CUX1: variants seen among roughly 807,000 people sequenced by gnomAD.
The protein encoded by CUX1 is protein CASP.
CUX1 carries 31 observed loss-of-function variants against 158.8 expected under a neutral mutation model. The ratio of observed to expected loss-of-function variants is 0.20; its 90% confidence interval spans 0.15 to 0.26. The LOEUF is 0.26. CUX1 is among the 10% of genes least tolerant of loss of function. The pLI is 1.00. For synonymous variants in CUX1, 879 were observed against 862.1 expected, an observed-to-expected ratio of 1.02 and a Z score of -0.34; for missense variants, 1,589 against 2,014.6, an observed-to-expected ratio of 0.79 and a Z score of 4.04.
In CUX1 at chr7:102,248,164, AT is replaced by A. The variant is rs1393447451; in HGVS notation, c.3888-245del. Among the ~76,000 whole-genome samples, 3 of 152,064 alleles carry A rather than the reference AT, an allele frequency of 2.0e-5. No individual in the cohort carries two copies. The highest frequency in any genetic ancestry group is 4.4e-5 in the Non-Finnish European group (3 of 68,004). ...AAAATTAAAATAAGTGCCCGCGGCA[AT>A]TTGTTGCAGTGGAGAATAGGGGAGT... is the stretch of plus-strand genomic sequence containing the variant. On this transcript the variant is annotated intron_variant, in intron 23 of 23. Transcript: ENST00000292535. The surrounding 1 kb of genome is among the most constrained non-coding windows in gnomAD (Gnocchi z 5.8).
intron 9 of CUX1, among the ~76,000 whole-genome samples, chr7:102,168,325 G>A (rs935266306): frequency 1.1e-4 from 16 of 152,048 alleles, no homozygotes; most frequent in African/African-American, 3.4e-4. Context: ...CACCAGCACC[G>A]CCCTGGGCGG....
intron 14 of CUX1, among the ~76,000 whole-genome samples, chr7:102,264,057 G>C (rs1229948376): frequency 7.0e-6 from 1 of 142,184 alleles, no homozygotes; most frequent in Non-Finnish European, 1.5e-5. Context: ...CCAGGCTAGA[G>C]TGCAGTGGCG....
intron 6 of CUX1, among the ~76,000 whole-genome samples, chr7:102,104,849 G>A (rs936179462): frequency 6.6e-6 from 1 of 152,116 alleles, no homozygotes; most frequent in Admixed American, 6.6e-5. Flanking sequence ...CCGAGATCGC[G>A]CCACTGCACT....
rs753062642 is a variant in CUX1, at chr7:102,239,377, C to T, written c.3680C>T (p.Ser1227Phe). Residue 1227 changes from serine to phenylalanine, a missense_variant, in exon 23 of 24, where the codon TCT (serine) becomes TTT (phenylalanine). Ser to Phe is a radical substitution (Grantham distance 155). Around this residue, in one of 8 missense-constraint regions of CUX1, gnomAD observed 259 missense variants for 373.8 expected, o/e 0.69. Transcript: ENST00000292535. Reference protein sequence around the residue: ...VSDSQPCEPPSVGTEYSQGAS... With the variant: ...VSDSQPCEPPFVGTEYSQGAS... ...GACAGCCAGCCCTGCGAACCGCCCT[C>T]TGTCGGCACCGAGTACAGCCAGGGC... 6.2e-7 allele frequency: 1 copy of T among 1,613,092 alleles called. No individual in the cohort carries two copies. The highest frequency in any genetic ancestry group is 8.5e-7 in the Non-Finnish European group (1 of 1,179,836).
At chr7:101,863,781 G>C (rs1232687503) in intron 1 of CUX1, among the ~76,000 whole-genome samples, 1 of 152,130 alleles carries the variant, frequency 6.6e-6, no homozygotes, top group African/African-American at 2.4e-5. Context: ...TAGGTCCCTC[G>C]TCTAAGTGGA....
intron 2 of CUX1, among the ~76,000 whole-genome samples, chr7:101,977,642 C>T (rs1812880208): frequency 1.3e-5 from 2 of 151,810 alleles, no homozygotes; most frequent in African/African-American, 4.8e-5. Context: ...AACCGTGGCT[C>T]AAAATAAATA....
intron 1 of CUX1, among the ~76,000 whole-genome samples, chr7:101,887,035 C>T (rs1325638387): frequency 6.6e-6 from 1 of 152,170 alleles, no homozygotes; most frequent in Non-Finnish European, 1.5e-5. Context: ...ATGGACCAGG[C>T]ACAGCGTGGG....
chr7:102,219,647 G>A (rs902977554), intron 20 of CUX1, among the ~76,000 whole-genome samples: 1 of 152,202 alleles, frequency 6.6e-6, no homozygotes, highest in Non-Finnish European at 1.5e-5. Flanking sequence ...GTACGTCTCT[G>A]ATATTCCTTA....
At chr7:102,200,047 C>A in intron 16 of CUX1, 24 bp from the exon 17 acceptor site, 1 of 1,588,574 alleles carries the variant, frequency 6.3e-7, no homozygotes, top group South Asian at 1.1e-5. Flanking sequence ...GGTTTGATGT[C>A]ATTGGCGCAA....
chr7:102,141,679 G>C (rs1563301343), intron 8 of CUX1, among the ~76,000 whole-genome samples: 1 of 152,060 alleles, frequency 6.6e-6, no homozygotes, highest in African/African-American at 2.4e-5. Flanking sequence ...CTGTAGTGCA[G>C]TGGCACAATC....
At chr7:101,883,866 G>C (rs1022622138) in intron 1 of CUX1, among the ~76,000 whole-genome samples, 1 of 152,072 alleles carries the variant, frequency 6.6e-6, no homozygotes, top group Non-Finnish European at 1.5e-5. Context: ...AAAGTGCTGG[G>C]ATTACAGGTG....
At chr7:101,825,796 TGTGCGCGC>T (rs59420218) in intron 1 of CUX1, among the ~76,000 whole-genome samples, 425 of 82,806 alleles carry the variant, frequency 5.1e-3, no homozygotes, top group African/African-American at 0.022. Context: ...TGTGTGTGTG[TGTGCGCGC>T]GCGCGCGCAG....
At chr7:101,821,694 T>G (rs1562884762) in intron 1 of CUX1, among the ~76,000 whole-genome samples, 4 of 131,034 alleles carry the variant, frequency 3.1e-5, no homozygotes, top group African/African-American at 1.2e-4. Context: ...TTTTTTTTTT[T>G]TTTGAGACGT....
At chr7:102,139,592 C>T (rs539052351) in intron 8 of CUX1, among the ~76,000 whole-genome samples, 37 of 152,282 alleles carry the variant, frequency 2.4e-4, no homozygotes, top group African/African-American at 7.9e-4. Context: ...CACAGAAATT[C>T]GAGACAGGCT....
At chr7:102,070,311 T>C in intron 3 of CUX1, 28 bp from the exon 4 acceptor site, 1 of 1,588,284 alleles carries the variant, frequency 6.3e-7, no homozygotes, top group Non-Finnish European at 8.6e-7. Context: ...CTCTTTGTTT[T>C]TCTTTTCTTT....
Position 101,916,307 on chromosome 7 carries a change from C to T in CUX1, c.141+82C>T. The T allele has an allele frequency of 1.1e-6, 1 of 891,776 alleles. No individual in the cohort carries two copies. The highest frequency in any genetic ancestry group is 1.9e-6 in the Non-Finnish European group (1 of 531,594). 55.2% of individuals were successfully genotyped at this position (891,776 alleles called of 1,614,324 possible). On this transcript the variant is annotated intron_variant, in intron 2 of 23. Coordinates refer to ENST00000292535, the MANE Select transcript of CUX1 (RefSeq NM_181552.4). This position sits in a 1 kb window ranked among gnomAD's most constrained non-coding sequence, Gnocchi z 4.4. ...TTCAGGCGACGCTCCGTGAGCGTTT[C>T]ATTTTCATCAGATGAACGCACGGCC...
chr7:102,276,157 T>C (rs1454345071), intron 17 of CUX1, among the ~76,000 whole-genome samples: 2 of 152,244 alleles, frequency 1.3e-5, no homozygotes, highest in African/African-American at 4.8e-5. Context: ...AACATGGGTG[T>C]ATAAATATCT....
chr7:101,925,251 G>T (rs903434839), intron 2 of CUX1, among the ~76,000 whole-genome samples: 2 of 152,200 alleles, frequency 1.3e-5, no homozygotes, highest in African/African-American at 4.8e-5. Context: ...TGGGACTACA[G>T]GCATGTGCCA....
intron 2 of CUX1, among the ~76,000 whole-genome samples, chr7:102,006,936 C>G (rs1216855844): frequency 6.6e-6 from 1 of 152,222 alleles, no homozygotes; most frequent in Non-Finnish European, 1.5e-5. Flanking sequence ...TCTTAGATTT[C>G]CCACACAAAA....
Sources: allele counts gnomAD v4.1 joint callset (sites outside exome capture counted in the v4.1 genomes callset), GRCh38; gene constraint gnomAD v4.1.1; regional missense constraint gnomAD v4.1.1; non-coding constraint Gnocchi (gnomAD v3.1); transcripts MANE v1.5; gene names NCBI Gene and HGNC (gene_info 2026-07-23, HGNC 2026-07-21).